The following FMNL2 variants were observed in gnomAD, a reference collection of about 807,000 sequenced individuals.
FMNL2 encodes the protein formin like 2, also known as formin-like protein 2.
FMNL2 carries 51 observed loss-of-function variants against 130.2 expected under a neutral mutation model. The ratio of observed to expected loss-of-function variants is 0.39; its 90% CI spans 0.31 to 0.49. The LOEUF (loss-of-function observed/expected upper bound fraction) is 0.49, where lower values mean the gene tolerates loss of function less well. Ranked by LOEUF, FMNL2 falls within the 20% of genes least tolerant of loss-of-function variation. The pLI is 0.85. For synonymous variants in FMNL2, 465 were observed against 467.1 expected (o/e 1.00, Z 0.06); for missense variants, 977 against 1,316.2 (o/e 0.74, Z 3.99).
intron 1 of FMNL2, among the ~76,000 whole-genome samples, chr2:152,404,548 C>T (rs1167963074): frequency 6.6e-6 from 1 of 152,056 alleles, no homozygotes; most frequent in Non-Finnish European, 1.5e-5. Context: ...TGAGTGAATG[C>T]ATATTTGGAG....
chr2:152,442,709 A>G (rs562161368), intron 1 of FMNL2, among the ~76,000 whole-genome samples: 3 of 152,326 alleles, frequency 2.0e-5, no homozygotes, highest in African/African-American at 4.8e-5. Flanking sequence ...GATATCTACA[A>G]ATTTGACCTT....
chr2:152,389,958 G>C (rs953449945), intron 1 of FMNL2: 2 of 1,312,360 alleles, frequency 1.5e-6, no homozygotes, highest in Non-Finnish European at 2.2e-6. Context: ...CAGAGACCTC[G>C]GGGCCCCAGA....
At position 152,585,138 on chromosome 2, in the gene FMNL2, C is replaced by A. The variant is rs1179697122; in HGVS notation, c.876+4089C>A. On this transcript the variant is annotated intron_variant, in intron 9 of 25. Transcript: ENST00000288670. ...GAAGACTAAATCATTAACAGTCAAC[C>A]ATTGTGCTCCTTGAATTCTTTTTTC... Among the ~76,000 whole-genome samples, 2 of 152,128 alleles carry A rather than the reference C, an allele frequency of 1.3e-5. 1 individual carries two copies. The highest frequency in any genetic ancestry group is 3.8e-4 in the East Asian group (2 of 5,198).
chr2:152,621,169 A>C (rs1327716246), intron 15 of FMNL2: 1 of 980,092 alleles, frequency 1.0e-6, no homozygotes, highest in East Asian at 1.1e-4. Context: ...GTAGCCCCCA[A>C]GGCGCACTTG....
chr2:152,382,309 T>C (rs746188011), intron 1 of FMNL2, among the ~76,000 whole-genome samples: 3 of 152,198 alleles, frequency 2.0e-5, no homozygotes, highest in East Asian at 1.9e-4. Context: ...TTTCTCTTCA[T>C]TGGGTCAAAG....
intron 9 of FMNL2, among the ~76,000 whole-genome samples, chr2:152,598,122 C>T (rs1697863443): frequency 6.6e-6 from 1 of 152,172 alleles, no homozygotes; most frequent in Non-Finnish European, 1.5e-5. Flanking sequence ...GCGCAGGCCC[C>T]AAGATCTGAA....
chr2:152,636,432 C>T lies in FMNL2; in HGVS notation c.2686C>T (p.Leu896Phe), dbSNP rs1028813684. The T allele has an allele frequency of 6.2e-7, 1 of 1,610,888 alleles. No homozygotes were observed. The highest frequency in any genetic ancestry group is 1.3e-5 in the African/African-American group (1 of 74,892). Residue 896 changes from leucine to phenylalanine, a missense_variant, in exon 22 of 26, where the codon CTT becomes TTT. By Grantham distance (22) the Leu-to-Phe change is conservative. This residue lies in a region of FMNL2 where 689 missense variants were observed against 995.9 expected (regional missense o/e 0.69). Coordinates refer to ENST00000288670, the MANE Select transcript of FMNL2 (RefSeq NM_052905.4). The stretch of plus-strand genomic sequence containing the variant: ...ATGTTCTTTCTCTGCTTTAGTCTCC[C>T]TTGAGAATGTTTTGCTGGATGTCAA... Reference protein sequence around the residue: ...HYVEKAAAVSLENVLLDVKEL... With the variant: ...HYVEKAAAVSFENVLLDVKEL...
chr2:152,528,287 G>A (rs1451213907), intron 2 of FMNL2, among the ~76,000 whole-genome samples: 5 of 152,094 alleles, frequency 3.3e-5, no homozygotes, highest in South Asian at 2.1e-4. Flanking sequence ...CTATCTTAGC[G>A]TCCTACGGCT....
intron 6 of FMNL2, among the ~76,000 whole-genome samples, chr2:152,564,527 G>T (rs551711085): frequency 6.6e-6 from 1 of 152,226 alleles, no homozygotes; most frequent in South Asian, 2.1e-4. Flanking sequence ...TTCGAGACCA[G>T]CCTGGCCAAC....
chr2:152,646,589 TG>T (rs151242231), intron 25 of FMNL2, among the ~76,000 whole-genome samples: 7,331 of 87,720 alleles, frequency 0.084, 581 homozygotes, highest in African/African-American at 0.25. Context: ...GTGCGGGGGG[TG>T]GGGGGGCACA....
intron 1 of FMNL2, among the ~76,000 whole-genome samples, chr2:152,376,267 T>C (rs58219183): frequency 0.14 from 20,580 of 152,168 alleles, 1,528 homozygotes; most frequent in Middle Eastern, 0.29. Context: ...TTGGTGGACG[T>C]TTAAATTGCT....
At chr2:152,427,878 G>A (rs1454434934) in intron 1 of FMNL2, among the ~76,000 whole-genome samples, 2 of 152,154 alleles carry the variant, frequency 1.3e-5, no homozygotes, top group Admixed American at 6.5e-5. Context: ...GGTTTGTGCA[G>A]TGCACATACC....
chr2:152,402,816 G>A (rs1685780338), intron 1 of FMNL2, among the ~76,000 whole-genome samples: 1 of 152,114 alleles, frequency 6.6e-6, no homozygotes, highest in African/African-American at 2.4e-5. Flanking sequence ...CACTTAATGA[G>A]CCAATACAGT....
chr2:152,591,663 A>G (rs778003618), intron 9 of FMNL2, among the ~76,000 whole-genome samples: 1 of 152,200 alleles, frequency 6.6e-6, no homozygotes, highest in African/African-American at 2.4e-5. Flanking sequence ...AAAATTAGCC[A>G]GGCATGTTGG....
intron 10 of FMNL2, 147 bp from the exon 11 acceptor site, chr2:152,611,348 C>CA: frequency 2.0e-6 from 1 of 497,502 alleles, no homozygotes; most frequent in African/African-American, 1.9e-5. Context: ...CCAAAAAAAA[C>CA]CATATATATA....
At chr2:152,502,188 A>G (rs999335844) in intron 1 of FMNL2, among the ~76,000 whole-genome samples, 3 of 152,204 alleles carry the variant, frequency 2.0e-5, no homozygotes, top group Non-Finnish European at 2.9e-5. Flanking sequence ...TCCCATTCAA[A>G]TATAGGATTG....
intron 6 of FMNL2, among the ~76,000 whole-genome samples, chr2:152,567,832 T>C (rs925561885): frequency 3.3e-5 from 5 of 152,204 alleles, no homozygotes; most frequent in African/African-American, 1.2e-4. Context: ...GAGATCTGAA[T>C]AGTGTGACAG....
chr2:152,345,182 T>G (rs1400841991), intron 1 of FMNL2, among the ~76,000 whole-genome samples: 2 of 152,140 alleles, frequency 1.3e-5, no homozygotes, highest in African/African-American at 4.8e-5. Context: ...TAGATAAAAC[T>G]TTCTAATAAT....
chr2:152,341,956 C>T (rs1681834029), intron 1 of FMNL2, among the ~76,000 whole-genome samples: 2 of 152,156 alleles, frequency 1.3e-5, no homozygotes, highest in African/African-American at 2.4e-5. Context: ...ATAGGAAGTA[C>T]ATTATTGGCT....
Sources: allele counts gnomAD v4.1 joint callset (sites outside exome capture counted in the v4.1 genomes callset), GRCh38; gene constraint gnomAD v4.1.1; regional missense constraint gnomAD v4.1.1; transcripts MANE v1.5; gene names NCBI Gene and HGNC (gene_info 2026-07-23, HGNC 2026-07-21).